RBFOX1: variants seen among roughly 807,000 people sequenced by gnomAD.
RBFOX1 encodes the protein RNA binding fox-1 homolog 1.
A neutral mutation model predicts 57.7 loss-of-function variants in RBFOX1; 8 were observed. The ratio of observed to expected loss-of-function variants is 0.14; its 90% CI spans 0.08 to 0.25. The LOEUF is 0.25. Among genes scored for constraint, RBFOX1 ranks in the 10% least tolerant of loss-of-function variants. The probability of loss-of-function intolerance (pLI) is 1.00; values close to 1 mark genes in which losing one functional copy is unlikely to be tolerated. For synonymous variants in RBFOX1, 326 were observed against 222.4 expected, an observed-to-expected ratio of 1.47 and a Z score of -4.15; for missense variants, 611 against 548.5, an observed-to-expected ratio of 1.11 and a Z score of -1.14.
At chr16:7,020,753 A>T (rs2153671478) in intron 3 of RBFOX1, among the ~76,000 whole-genome samples, 1 of 152,238 alleles carries the variant, frequency 6.6e-6, no homozygotes, top group African/African-American at 2.4e-5. Flanking sequence ...CCATGAGCTC[A>T]GTGAAATCCC....
intron 1 of RBFOX1, among the ~76,000 whole-genome samples, chr16:6,177,339 G>T (rs774119955): frequency 6.6e-6 from 1 of 151,956 alleles, no homozygotes; most frequent in South Asian, 2.1e-4. Context: ...CCTCTTCCCA[G>T]TGAAGTCTGT....
chr16:6,818,974 G>T (rs1323556621), intron 3 of RBFOX1, among the ~76,000 whole-genome samples: 2 of 137,616 alleles, frequency 1.5e-5, no homozygotes, highest in East Asian at 2.4e-4. Flanking sequence ...GGGTTGAAAG[G>T]CACCTGTCTG....
intron 1 of RBFOX1, among the ~76,000 whole-genome samples, chr16:6,167,645 T>A (rs970561406): frequency 1.2e-4 from 18 of 152,214 alleles, no homozygotes; most frequent in African/African-American, 4.1e-4. Context: ...TATTATAACT[T>A]GCCCTTTAGT....
chr16:6,482,353 C>A (rs1054239843), intron 2 of RBFOX1, among the ~76,000 whole-genome samples: 4 of 152,196 alleles, frequency 2.6e-5, no homozygotes, highest in African/African-American at 9.7e-5. Context: ...ATTAGTTTTT[C>A]TACATCCAAG....
chr16:7,381,506 CT>C (rs1194917348), intron 4 of RBFOX1, among the ~76,000 whole-genome samples: 39 of 148,084 alleles, frequency 2.6e-4, no homozygotes, highest in Admixed American at 8.8e-4. Flanking sequence ...TCCCCCCCGC[CT>C]TTTTTTTTTA....
At chr16:7,502,934 A>C (rs1466107478) in intron 4 of RBFOX1, among the ~76,000 whole-genome samples, 1 of 152,146 alleles carries the variant, frequency 6.6e-6, no homozygotes, top group Non-Finnish European at 1.5e-5. Flanking sequence ...GAGGCAGGAG[A>C]GTCGCTTGAA....
At chr16:5,834,776 TGATAGATA>T (rs140249212) in intron 3 of RBFOX1, among the ~76,000 whole-genome samples, 17,339 of 147,628 alleles carry the variant, frequency 0.12, 1,467 homozygotes, top group African/African-American at 0.24. Flanking sequence ...CATGCACAGA[TGATAGATA>T]GATAGATAGA....
intron 2 of RBFOX1, among the ~76,000 whole-genome samples, chr16:6,403,757 C>A (rs561260199): frequency 4.3e-4 from 66 of 152,260 alleles, no homozygotes; most frequent in African/African-American, 1.5e-3. Context: ...GCCCTATGTT[C>A]ATGCATTGAC....
intron 3 of RBFOX1, among the ~76,000 whole-genome samples, chr16:6,911,047 A>C (rs942684743): frequency 2.6e-5 from 4 of 151,960 alleles, no homozygotes; most frequent in African/African-American, 9.7e-5. Context: ...CCAAAAATAC[A>C]AAAATTAGCC....
At chr16:7,697,742 C>T (rs985237071) in intron 14 of RBFOX1, among the ~76,000 whole-genome samples, 1 of 152,136 alleles carries the variant, frequency 6.6e-6, no homozygotes, top group African/African-American at 2.4e-5. Context: ...TTTCTTCACC[C>T]TTGGAACTTT....
At chr16:5,908,743 T>A (rs896471661) in intron 4 of RBFOX1, among the ~76,000 whole-genome samples, 1 of 152,096 alleles carries the variant, frequency 6.6e-6, no homozygotes, top group Admixed American at 6.6e-5. Flanking sequence ...ATAGACTGAA[T>A]GTTTGTGTCC....
intron 3 of RBFOX1, among the ~76,000 whole-genome samples, chr16:6,655,412 G>A (rs1467004552): frequency 3.5e-5 from 3 of 86,684 alleles, no homozygotes; most frequent in African/African-American, 7.7e-5. Context: ...AAGAGCTCGC[G>A]CTCAATTTCC....
intron 9 of RBFOX1, among the ~76,000 whole-genome samples, chr16:7,599,946 C>G (rs2140943572): frequency 6.6e-6 from 1 of 152,172 alleles, no homozygotes; most frequent in South Asian, 2.1e-4. Flanking sequence ...CTAGCCTTTT[C>G]TTTTTGTTAT....
At chr16:6,811,457 T>G (rs568387799) in intron 3 of RBFOX1, among the ~76,000 whole-genome samples, 1 of 152,324 alleles carries the variant, frequency 6.6e-6, no homozygotes, top group East Asian at 1.9e-4. Flanking sequence ...CCTCTATGAA[T>G]ATTGTAAAAT....
chr16:6,240,596 C>G (rs1156588682), intron 1 of RBFOX1, among the ~76,000 whole-genome samples: 1 of 152,120 alleles, frequency 6.6e-6, no homozygotes, highest in African/African-American at 2.4e-5. Flanking sequence ...AAACTTCACC[C>G]CAGGCCCTTT....
intron 2 of RBFOX1, among the ~76,000 whole-genome samples, chr16:5,529,506 C>A (rs1219765596): frequency 6.6e-6 from 1 of 151,468 alleles, no homozygotes; most frequent in African/African-American, 2.4e-5. Flanking sequence ...AAGCAATTCT[C>A]CTGCCTCAGC....
intron 3 of RBFOX1, among the ~76,000 whole-genome samples, chr16:7,013,848 G>A (rs2093771236): frequency 6.6e-6 from 1 of 151,998 alleles, no homozygotes; most frequent in South Asian, 2.1e-4. Flanking sequence ...TGTAGAAATG[G>A]GGTCTCACCA....
At chr16:6,590,728 G>A (rs1025335662) in intron 2 of RBFOX1, among the ~76,000 whole-genome samples, 7 of 152,148 alleles carry the variant, frequency 4.6e-5, no homozygotes, top group Admixed American at 4.6e-4. Flanking sequence ...ATTGACGGTC[G>A]TACATTTCCT....
chr16:5,640,997 A>G (rs577581610), intron 3 of RBFOX1, among the ~76,000 whole-genome samples: 2 of 151,962 alleles, frequency 1.3e-5, no homozygotes, highest in East Asian at 1.9e-4. Flanking sequence ...TCATGCATAC[A>G]TATGCACACA....
Sources: allele counts gnomAD v4.1 joint callset (sites outside exome capture counted in the v4.1 genomes callset), GRCh38; gene constraint gnomAD v4.1.1; transcripts MANE v1.5; gene names NCBI Gene and HGNC (gene_info 2026-07-23, HGNC 2026-07-21).